The following MRTFB variants were observed in gnomAD, a reference collection of about 807,000 sequenced individuals.
MRTFB encodes the protein myocardin-related transcription factor B.
Under a neutral mutation model 104.2 loss-of-function variants are expected in MRTFB, and 29 were observed. The ratio of observed to expected loss-of-function variants is 0.28; its 90% CI spans 0.21 to 0.38. The LOEUF (loss-of-function observed/expected upper bound fraction) is 0.38. Ranked by LOEUF, MRTFB falls within the 10% of genes least tolerant of loss-of-function variation. MRTFB has a pLI of 1.00. For missense variants in MRTFB, 1,270 were observed against 1,341.6 expected (o/e 0.95, Z 0.83); for synonymous variants, 535 against 519.5 (o/e 1.03, Z -0.41).
At chr16:14,255,210 G>T (rs371149236) in intron 15 of MRTFB, among the ~76,000 whole-genome samples, 1 of 152,190 alleles carries the variant, frequency 6.6e-6, no homozygotes, top group African/African-American at 2.4e-5. Flanking sequence ...CCCAGAAGAA[G>T]AGAGAAAGAA....
chr16:14,106,632 T>A (rs2035992241), intron 2 of MRTFB, among the ~76,000 whole-genome samples: 1 of 152,212 alleles, frequency 6.6e-6, no homozygotes, highest in Non-Finnish European at 1.5e-5. Flanking sequence ...AAGCTCTAAG[T>A]AAACATGAAT....
intron 2 of MRTFB, among the ~76,000 whole-genome samples, chr16:14,122,850 C>T (rs1188422627): frequency 6.6e-6 from 1 of 152,110 alleles, no homozygotes; most frequent in Non-Finnish European, 1.5e-5. Flanking sequence ...GTTCTAGATC[C>T]TTGAGGAATC....
chr16:14,159,623 T>C (rs1373752216), intron 3 of MRTFB, among the ~76,000 whole-genome samples: 1 of 152,128 alleles, frequency 6.6e-6, no homozygotes, highest in Non-Finnish European at 1.5e-5. Flanking sequence ...GTTAGAGCAA[T>C]TTATTAACTT....
intron 2 of MRTFB, among the ~76,000 whole-genome samples, chr16:14,120,140 T>C (rs1177171268): frequency 6.6e-6 from 1 of 152,230 alleles, no homozygotes; most frequent in Non-Finnish European, 1.5e-5. Context: ...TTGTATGTTC[T>C]TTTTCTTATG....
In MRTFB at chr16:14,261,771, G is replaced by A. The variant is rs372741963; in HGVS notation, c.*327G>A. On this transcript the variant is annotated 3_prime_UTR_variant, in exon 17 of 17. Coordinates refer to ENST00000571589, the MANE Select transcript of MRTFB (RefSeq NM_001308142.2). ...AGAGTAATATATGCAGCACAGTGAC[G>A]TTAGGATTCTGGTAATTAACTACAT... 46 of 199,176 alleles carry A rather than the reference G, an allele frequency of 2.3e-4. No individual in the cohort carries two copies. Among genetic ancestry groups the A allele is most frequent in the African/African-American group, 8.8e-4 (38 of 43,260 alleles). The allele number at this position is 199,176 out of a possible 1,614,324, so 12.3% of individuals were successfully genotyped here.
At chr16:14,108,021 T>A (rs2036078471) in intron 2 of MRTFB, among the ~76,000 whole-genome samples, 2 of 151,960 alleles carry the variant, frequency 1.3e-5, no homozygotes, top group Admixed American at 1.3e-4. Context: ...GGACCCCTTT[T>A]CTGCAGTGGG....
At chr16:14,034,291 G>T in the MRTFB span, among the ~76,000 whole-genome samples, 29 of 152,228 alleles carry the variant, frequency 1.9e-4, no homozygotes, top group East Asian at 3.1e-3. Context: ...TCCAGCTTCT[G>T]GTAGCCCCAG....
chr16:14,218,791 G>A, intron 7 of MRTFB, 29 bp from the exon 8 acceptor site: 1 of 1,566,560 alleles, frequency 6.4e-7, no homozygotes, highest in African/African-American at 1.4e-5. Context: ...GCCAACATAA[G>A]TCAAGTCAAA....
intron 9 of MRTFB, among the ~76,000 whole-genome samples, chr16:14,236,641 G>T (rs1253393020): frequency 6.6e-6 from 1 of 152,154 alleles, no homozygotes; most frequent in Non-Finnish European, 1.5e-5. Flanking sequence ...GAGCCATGAA[G>T]ATATCTATCT....
chr16:14,079,797 C>T (rs1436477922), intron 2 of MRTFB, among the ~76,000 whole-genome samples: 1 of 150,908 alleles, frequency 6.6e-6, no homozygotes, highest in Non-Finnish European at 1.5e-5. Flanking sequence ...CCGTATAAAA[C>T]AACATAATGA....
the MRTFB span, chr16:14,020,478 TTA>T: frequency 6.6e-6 from 1 of 152,012 alleles, no homozygotes; most frequent in African/African-American, 2.4e-5. Flanking sequence ...GGGGCAGGAA[TTA>T]TAAATACCTG....
At chr16:14,004,559 C>T in the MRTFB span, among the ~76,000 whole-genome samples, 1 of 152,162 alleles carries the variant, frequency 6.6e-6, no homozygotes, top group African/African-American at 2.4e-5. Context: ...CAGGACACAG[C>T]CCACGGGGCC....
chr16:14,165,104 T>G (rs2142943216), intron 3 of MRTFB, among the ~76,000 whole-genome samples: 1 of 152,130 alleles, frequency 6.6e-6, no homozygotes, highest in Middle Eastern at 3.4e-3. Context: ...ATGAATCTTT[T>G]GTTCCAATGC....
chr16:14,046,036 G>A, the MRTFB span, among the ~76,000 whole-genome samples: 18 of 152,172 alleles, frequency 1.2e-4, no homozygotes, highest in Non-Finnish European at 2.2e-4. Context: ...TGGGGCTGGC[G>A]TCTACTTTGT....
chr16:14,066,228 A>C, the MRTFB span, among the ~76,000 whole-genome samples: 9 of 151,088 alleles, frequency 6.0e-5, no homozygotes, highest in South Asian at 1.9e-3. Context: ...ACCATACCTT[A>C]TTTTTTATTT....
At chr16:14,175,741 C>T (rs1396577931) in intron 3 of MRTFB, among the ~76,000 whole-genome samples, 2 of 152,106 alleles carry the variant, frequency 1.3e-5, no homozygotes, top group East Asian at 3.9e-4. Flanking sequence ...AATGGATAAA[C>T]AAAATATGGT....
chr16:14,162,191 A>C (rs915316826), intron 3 of MRTFB, among the ~76,000 whole-genome samples: 1 of 151,194 alleles, frequency 6.6e-6, no homozygotes, highest in African/African-American at 2.4e-5. Flanking sequence ...TTTAATAGCC[A>C]AGCATGGTGA....
the MRTFB span, among the ~76,000 whole-genome samples, chr16:14,051,729 C>T: frequency 5.3e-5 from 8 of 152,202 alleles, no homozygotes; most frequent in African/African-American, 1.7e-4. Flanking sequence ...ATGTGGCAGA[C>T]TTCACAAGGT....
intron 8 of MRTFB, among the ~76,000 whole-genome samples, chr16:14,226,338 G>A (rs1379879995): frequency 6.6e-6 from 1 of 152,142 alleles, no homozygotes; most frequent in Non-Finnish European, 1.5e-5. Flanking sequence ...AGTGGTATTG[G>A]CATAAGATAA....
Sources: gnomAD v4.1 joint callset for allele counts (sites outside exome capture counted in the v4.1 genomes callset) on GRCh38, gnomAD v4.1.1 for gene constraint, MANE v1.5 for transcripts, NCBI Gene and HGNC (gene_info 2026-07-23, HGNC 2026-07-21) for gene names.